The following TACR1 variants were observed in gnomAD, a reference collection of about 807,000 sequenced individuals.
TACR1 encodes the protein substance-P receptor.
In TACR1, 25 loss-of-function variants were observed where a neutral mutation model predicts 35.8. The ratio of observed to expected loss-of-function variants is 0.70; its 90% CI spans 0.51 to 0.98. TACR1 has a LOEUF of 0.98. TACR1 is among the 50% of genes least tolerant of loss of function. The pLI, the probability that TACR1 is intolerant of heterozygous loss-of-function variation, is 0.00. For synonymous variants in TACR1, 195 were observed against 206.7 expected, an observed-to-expected ratio of 0.94 and a Z score of 0.48; for missense variants, 478 against 522.9, an observed-to-expected ratio of 0.91 and a Z score of 0.84.
intron 1 of TACR1, among the ~76,000 whole-genome samples, chr2:75,192,805 G>A (rs552232454): frequency 6.6e-6 from 1 of 152,154 alleles, no homozygotes. Context: ...GCATGATGAA[G>A]ATTAAATGAG....
At chr2:75,163,976 T>C (rs1675076013) in intron 1 of TACR1, among the ~76,000 whole-genome samples, 1 of 151,504 alleles carries the variant, frequency 6.6e-6, no homozygotes, top group Admixed American at 6.6e-5. Flanking sequence ...AAAAAAAAAA[T>C]CTCCTAAAAA....
At chr2:75,129,846 G>A (rs73935546) in intron 1 of TACR1, among the ~76,000 whole-genome samples, 3,535 of 152,166 alleles carry the variant, frequency 0.023, 126 homozygotes, top group African/African-American at 0.08. Flanking sequence ...AATTTTGGCC[G>A]CAGAAAACTT....
intron 2 of TACR1, among the ~76,000 whole-genome samples, chr2:75,096,200 A>T (rs1240361027): frequency 1.3e-5 from 2 of 152,198 alleles, no homozygotes; most frequent in Non-Finnish European, 2.9e-5. Flanking sequence ...TTTCCTCTGG[A>T]TACCAGCCTT....
intron 2 of TACR1, among the ~76,000 whole-genome samples, chr2:75,074,633 A>G (rs1672943062): frequency 6.6e-6 from 1 of 152,212 alleles, no homozygotes; most frequent in African/African-American, 2.4e-5. Flanking sequence ...TAAAGTGAGA[A>G]AACTCTTTCA....
intron 2 of TACR1, chr2:75,118,810 G>A (rs1012782752): frequency 1.3e-5 from 2 of 152,196 alleles, no homozygotes; most frequent in African/African-American, 4.8e-5. Context: ...TATATAACGA[G>A]CTTTAATTCG....
chr2:75,136,257 C>T (rs977066923), intron 1 of TACR1, among the ~76,000 whole-genome samples: 4 of 152,168 alleles, frequency 2.6e-5, no homozygotes, highest in African/African-American at 7.2e-5. Flanking sequence ...CCTTGGGAGA[C>T]AGGAGTAAGA....
At chr2:75,141,986 T>G (rs1228441833) in intron 1 of TACR1, among the ~76,000 whole-genome samples, 1 of 152,212 alleles carries the variant, frequency 6.6e-6, no homozygotes, top group Admixed American at 6.5e-5. Context: ...AAGGAAACAT[T>G]TATTGCACTC....
At chr2:75,061,550 G>A (rs1367257131) in intron 2 of TACR1, among the ~76,000 whole-genome samples, 2 of 152,132 alleles carry the variant, frequency 1.3e-5, no homozygotes, top group African/African-American at 4.8e-5. Context: ...ACATCACCCA[G>A]TCTTCCCTGG....
intron 2 of TACR1, among the ~76,000 whole-genome samples, chr2:75,079,536 A>G (rs1673041974): frequency 6.6e-6 from 1 of 152,012 alleles, no homozygotes; most frequent in Admixed American, 6.6e-5. Flanking sequence ...ATGTAACCCT[A>G]CACCAGTGGT....
intron 1 of TACR1, among the ~76,000 whole-genome samples, chr2:75,153,596 C>A (rs1257618997): frequency 6.6e-6 from 1 of 152,174 alleles, no homozygotes; most frequent in Non-Finnish European, 1.5e-5. Flanking sequence ...AGGAAAAAAA[C>A]CCATTAAAAT....
At chr2:75,148,620 A>G (rs1674599979) in intron 1 of TACR1, among the ~76,000 whole-genome samples, 1 of 152,194 alleles carries the variant, frequency 6.6e-6, no homozygotes, top group Non-Finnish European at 1.5e-5. Context: ...TCTGGATATT[A>G]GACCTTTGTC....
intron 1 of TACR1, among the ~76,000 whole-genome samples, chr2:75,180,890 CTG>C (rs1675544466): frequency 6.6e-6 from 1 of 152,202 alleles, no homozygotes; most frequent in Admixed American, 6.5e-5. Context: ...CAATAAATAA[CTG>C]TTGAATTTCT....
At chr2:75,193,050 T>G (rs373384639) in intron 1 of TACR1, among the ~76,000 whole-genome samples, 9 of 152,150 alleles carry the variant, frequency 5.9e-5, no homozygotes, top group African/African-American at 2.2e-4. Flanking sequence ...TTTCATTCTG[T>G]CTCCTCCTTC....
At chr2:75,123,960 C>T (rs1674021946) in intron 1 of TACR1, among the ~76,000 whole-genome samples, 1 of 152,174 alleles carries the variant, frequency 6.6e-6, no homozygotes, top group African/African-American at 2.4e-5. Flanking sequence ...GTGCTGCAAA[C>T]CCAAGGAAAA....
At chr2:75,051,501 C>CTGCT in intron 3 of TACR1, 54 bp from the exon 4 acceptor site, 1 of 1,601,214 alleles carries the variant, frequency 6.2e-7, no homozygotes, top group Non-Finnish European at 8.5e-7. Flanking sequence ...TCTCTCACGG[C>CTGCT]TGCTTCCTCT....
chr2:75,052,889 C>T (rs186271411), intron 3 of TACR1, among the ~76,000 whole-genome samples: 2 of 152,118 alleles, frequency 1.3e-5, no homozygotes, highest in African/African-American at 2.4e-5. Flanking sequence ...TGAAGGCCCT[C>T]GAGAAGTTGC....
At chr2:75,071,584 T>C (rs1476293731) in intron 2 of TACR1, among the ~76,000 whole-genome samples, 1 of 152,224 alleles carries the variant, frequency 6.6e-6, no homozygotes, top group Non-Finnish European at 1.5e-5. Flanking sequence ...ACCTCACATA[T>C]CTTTCTTCTC....
chr2:75,138,704 G>A (rs1674344759), intron 1 of TACR1, among the ~76,000 whole-genome samples: 1 of 152,098 alleles, frequency 6.6e-6, no homozygotes, highest in Non-Finnish European at 1.5e-5. Context: ...TGTCCTTATT[G>A]GTCAAATATG....
intron 3 of TACR1, among the ~76,000 whole-genome samples, chr2:75,052,303 A>G (rs1283223854): frequency 1.3e-5 from 2 of 152,206 alleles, no homozygotes; most frequent in Admixed American, 6.5e-5. Flanking sequence ...TGAACCAGGA[A>G]GCAGGCCCTC....
Sources: allele counts gnomAD v4.1 joint callset (sites outside exome capture counted in the v4.1 genomes callset), GRCh38; gene constraint gnomAD v4.1.1; transcripts MANE v1.5; gene names NCBI Gene and HGNC (gene_info 2026-07-23, HGNC 2026-07-21).